The following MELK variants were observed in gnomAD, a reference collection of about 807,000 sequenced individuals.
The protein encoded by MELK is pEg3 kinase.
In MELK, 81 loss-of-function variants were observed where a neutral mutation model predicts 85.0. That is an observed-to-expected ratio of 0.95 (90% CI 0.80 to 1.15). The LOEUF (loss-of-function observed/expected upper bound fraction) is 1.15, where lower values mean the gene tolerates loss of function less well. MELK is among the 50% of genes most tolerant of loss of function. The probability of loss-of-function intolerance (pLI) is 0.00; values close to 1 mark genes in which losing one functional copy is unlikely to be tolerated. For synonymous variants in MELK, 252 were observed against 265.0 expected (o/e 0.95, Z 0.48); for missense variants, 754 against 777.5 (o/e 0.97, Z 0.36).
chr9:36,634,225 CAAAT>C (rs1218270622), intron 10 of MELK, among the ~76,000 whole-genome samples: 2 of 152,100 alleles, frequency 1.3e-5, no homozygotes, highest in African/African-American at 4.8e-5. Context: ...ATCATGGTGG[CAAAT>C]AAAAGTTTTC....
At position 36,590,979 on chromosome 9, in the gene MELK, C is replaced by T. The variant is rs1280069456; in HGVS notation, c.261+1327C>T. Among the ~76,000 whole-genome samples, 3 of 152,146 alleles carry T rather than the reference C, an allele frequency of 2.0e-5. No homozygotes were observed. In the East Asian group the frequency reaches 5.8e-4, roughly 29 times the overall value. On this transcript the variant is annotated intron_variant, in intron 4 of 17. Transcript: ENST00000298048. ...GCGTGGTGCGCACCTGTCATTCCAG[C>T]TCCTCAGGAGGCTGAGGCGGGAGAA...
At chr9:36,643,720 G>A (rs1198579742) in intron 11 of MELK, among the ~76,000 whole-genome samples, 1 of 152,074 alleles carries the variant, frequency 6.6e-6, no homozygotes, top group Non-Finnish European at 1.5e-5. Flanking sequence ...GGATCACGAG[G>A]TCAGGAGATC....
At chr9:36,621,259 G>A (rs1827380523) in intron 8 of MELK, among the ~76,000 whole-genome samples, 1 of 93,736 alleles carries the variant, frequency 1.1e-5, no homozygotes, top group Admixed American at 1.7e-4. Context: ...ATGACAGAGT[G>A]AGACTCTGTC....
intron 8 of MELK, among the ~76,000 whole-genome samples, chr9:36,620,480 A>G (rs1458744107): frequency 6.6e-6 from 1 of 151,670 alleles, no homozygotes; most frequent in African/African-American, 2.4e-5. Flanking sequence ...AGCTCTGAGT[A>G]GCTATAAGTT....
intron 2 of MELK, 63 bp downstream of exon 2, chr9:36,581,802 G>T: frequency 7.3e-7 from 1 of 1,368,756 alleles, no homozygotes; most frequent in South Asian, 1.2e-5. Flanking sequence ...TAGATTATTT[G>T]GGTAGGTGTG....
In MELK at chr9:36,597,172, T is replaced by C. The variant is rs201845734; in HGVS notation, c.406-50T>C. ...TTTAGAAATGGCTAGAGGTGGGATG[T>C]GATATAAGGAAGTCAGTATACAGTT... On this transcript the variant is annotated intron_variant, in intron 5 of 17. Transcript: ENST00000298048. 44 of 1,479,846 alleles carry C rather than the reference T, an allele frequency of 3.0e-5. No homozygotes were observed. In the African/African-American group the frequency reaches 4.6e-4, roughly 15 times the overall value. 91.7% of individuals were successfully genotyped at this position (1,479,846 alleles called of 1,614,324 possible). A position where few individuals can be genotyped will look rare whatever the true frequency, so the allele number is the denominator to read the frequency against.
At chr9:36,579,021 A>G (rs1310138741) in intron 1 of MELK, among the ~76,000 whole-genome samples, 1 of 141,378 alleles carries the variant, frequency 7.1e-6, no homozygotes, top group Non-Finnish European at 1.5e-5. Context: ...TTATTTATAT[A>G]TTTATTTATT....
intron 10 of MELK, among the ~76,000 whole-genome samples, chr9:36,639,151 C>G (rs955485582): frequency 6.6e-6 from 1 of 152,180 alleles, no homozygotes; most frequent in African/African-American, 2.4e-5. Flanking sequence ...CATTTTATCA[C>G]CTCTAATATG....
chr9:36,610,708 T>G (rs1825987948), intron 8 of MELK, among the ~76,000 whole-genome samples: 2 of 152,330 alleles, frequency 1.3e-5, no homozygotes, highest in Admixed American at 1.3e-4. Context: ...CATACCTGAC[T>G]GCATCCACAT....
rs781286890 is a variant in MELK at position 36,589,546 on chromosome 9, C to T, written c.155C>T (p.Pro52Leu). ...MDKNTLGSDL[P>L]RIKTEIEALK... is the part of the protein sequence containing the mutation. ...GATGTTTTGTCACAGAGTGATTTGC[C>T]CCGGATCAAAACGGAGATTGAGGCC... The change falls in exon 4 of 18, where the codon CCC (proline) becomes CTC (leucine). Residue 52 changes from proline to leucine, a missense_variant. Physicochemically the swap from Pro to Leu is moderately conservative, Grantham distance 98 (BLOSUM62 -3). Transcript: ENST00000298048. 3 of 1,613,080 alleles carry T rather than the reference C, an allele frequency of 1.9e-6. No individual in the cohort carries two copies. The highest frequency in any genetic ancestry group is 2.7e-5 in the African/African-American group (2 of 74,856).
chr9:36,580,176 G>T (rs7865447), intron 1 of MELK, among the ~76,000 whole-genome samples: 1 of 150,734 alleles, frequency 6.6e-6, no homozygotes, highest in African/African-American at 2.4e-5. Flanking sequence ...CTACAGGCGC[G>T]TGCCACCACC....
intron 11 of MELK, among the ~76,000 whole-genome samples, chr9:36,650,984 A>G (rs986951447): frequency 6.6e-6 from 1 of 152,220 alleles, no homozygotes; most frequent in Non-Finnish European, 1.5e-5. Context: ...CAAAGGTATA[A>G]AAAAATGGAA....
At chr9:36,655,460 GA>G (rs1831152730) in intron 12 of MELK, among the ~76,000 whole-genome samples, 1 of 147,884 alleles carries the variant, frequency 6.8e-6, no homozygotes, top group African/African-American at 2.4e-5. Flanking sequence ...GGGGGAGAGA[GA>G]GAGAGAGAGA....
At chr9:36,614,907 C>A (rs1826437728) in intron 8 of MELK, among the ~76,000 whole-genome samples, 1 of 147,980 alleles carries the variant, frequency 6.8e-6, no homozygotes. Flanking sequence ...TTCTATTCCA[C>A]AAAGCCCCCA....
At chr9:36,665,915 A>G (rs1409833360) in intron 14 of MELK, among the ~76,000 whole-genome samples, 2 of 152,160 alleles carry the variant, frequency 1.3e-5, no homozygotes, top group African/African-American at 4.8e-5. Flanking sequence ...GAGTGAAGTG[A>G]TTTGCCCAAG....
intron 1 of MELK, among the ~76,000 whole-genome samples, chr9:36,578,981 T>G (rs931303249): frequency 4.0e-5 from 6 of 151,262 alleles, no homozygotes; most frequent in African/African-American, 1.5e-4. Context: ...TAGCTGGGAT[T>G]GCAGGCGCAC....
At chr9:36,623,789 T>C (rs1827671788) in intron 8 of MELK, among the ~76,000 whole-genome samples, 1 of 152,272 alleles carries the variant, frequency 6.6e-6, no homozygotes. Flanking sequence ...GAATACTACT[T>C]TTTGAATATT....
chr9:36,602,083 A>G (rs550300054), intron 7 of MELK, among the ~76,000 whole-genome samples: 1 of 152,280 alleles, frequency 6.6e-6, no homozygotes, highest in Admixed American at 6.5e-5. Flanking sequence ...TTGGGTATAT[A>G]TTCAGAAGCG....
At chr9:36,666,325 G>A (rs970073888) in intron 14 of MELK, among the ~76,000 whole-genome samples, 1 of 152,184 alleles carries the variant, frequency 6.6e-6, no homozygotes, top group African/African-American at 2.4e-5. Context: ...AGAGTGGTAA[G>A]TGTCATGACA....
Sources: allele counts gnomAD v4.1 joint callset (sites outside exome capture counted in the v4.1 genomes callset), GRCh38; gene constraint gnomAD v4.1.1; transcripts MANE v1.5; gene names NCBI Gene and HGNC (gene_info 2026-07-23, HGNC 2026-07-21).